Variants in NALF1 observed in about 807,000 individuals in gnomAD.
The protein encoded by NALF1 is family with sequence similarity 155 member A.
In NALF1, 3 loss-of-function variants were observed where a neutral mutation model predicts 48.4. The observed-to-expected ratio is 0.06, with a 90% confidence interval of 0.03 to 0.16. The LOEUF is 0.16. Among genes scored for constraint, NALF1 ranks in the 10% least tolerant of loss-of-function variants. The pLI is 1.00. For synonymous variants in NALF1, 262 were observed against 245.7 expected (o/e 1.07, Z -0.62); for missense variants, 526 against 571.5 (o/e 0.92, Z 0.81).
At chr13:107,520,479 G>C (rs1876202154) in intron 1 of NALF1, among the ~76,000 whole-genome samples, 1 of 152,194 alleles carries the variant, frequency 6.6e-6, no homozygotes, top group Non-Finnish European at 1.5e-5. Flanking sequence ...GAGATTATGA[G>C]ATGTCTTTTG....
intron 1 of NALF1, among the ~76,000 whole-genome samples, chr13:107,308,438 G>A (rs1342602281): frequency 2.6e-5 from 4 of 151,882 alleles, no homozygotes; most frequent in African/African-American, 7.2e-5. Flanking sequence ...TCCTGACCTC[G>A]TGATCCGCCC....
intron 1 of NALF1, among the ~76,000 whole-genome samples, chr13:107,673,064 T>C (rs973506269): frequency 1.3e-5 from 2 of 152,186 alleles, no homozygotes; most frequent in Admixed American, 6.6e-5. Flanking sequence ...AAGGTACCTA[T>C]AGCAACTACA....
chr13:107,221,216 A>G (rs114079106), intron 1 of NALF1, among the ~76,000 whole-genome samples: 177 of 152,282 alleles, frequency 1.2e-3, no homozygotes, highest in African/African-American at 4.0e-3. Flanking sequence ...CTAAAATCAC[A>G]GACTTCACCA....
At chr13:107,769,654 A>G (rs992837801) in intron 1 of NALF1, among the ~76,000 whole-genome samples, 10 of 151,202 alleles carry the variant, frequency 6.6e-5, no homozygotes, top group African/African-American at 2.4e-4. Context: ...ACTAACCTGC[A>G]CAATGTGCAC....
At chr13:107,642,077 T>G (rs1392428794) in intron 1 of NALF1, among the ~76,000 whole-genome samples, 1 of 152,106 alleles carries the variant, frequency 6.6e-6, no homozygotes, top group African/African-American at 2.4e-5. Context: ...TGGGAGCACG[T>G]TGGAAAGGCA....
chr13:107,855,914 T>TG (rs1398193272), intron 1 of NALF1, among the ~76,000 whole-genome samples: 1 of 149,930 alleles, frequency 6.7e-6, no homozygotes, highest in African/African-American at 2.4e-5. Context: ...GAGCGAGAAT[T>TG]TTTTTTTTTT....
intron 1 of NALF1, among the ~76,000 whole-genome samples, chr13:107,646,303 A>G (rs1215738245): frequency 6.6e-6 from 1 of 151,848 alleles, no homozygotes; most frequent in East Asian, 1.9e-4. Flanking sequence ...AAAAAAAAAA[A>G]AGCAACAAAA....
chr13:107,828,516 GAGA>G (rs1879590885), intron 1 of NALF1, among the ~76,000 whole-genome samples: 3 of 131,584 alleles, frequency 2.3e-5, no homozygotes. Flanking sequence ...TTCTTTCAAA[GAGA>G]AGAACACTGT....
chr13:107,561,701 C>G (rs672397), intron 1 of NALF1, among the ~76,000 whole-genome samples: 63,811 of 152,044 alleles, frequency 0.42, 13,849 homozygotes, highest in East Asian at 0.7. Context: ...AGATTACCAT[C>G]TCCTCTGTAT....
intron 1 of NALF1, among the ~76,000 whole-genome samples, chr13:107,346,627 G>A (rs758269723): frequency 6.6e-6 from 1 of 152,152 alleles, no homozygotes; most frequent in Non-Finnish European, 1.5e-5. Flanking sequence ...GGCAAATGAG[G>A]AGTTGCTCTT....
At chr13:107,173,918 C>T (rs1878856929) in intron 2 of NALF1, among the ~76,000 whole-genome samples, 1 of 152,160 alleles carries the variant, frequency 6.6e-6, no homozygotes, top group Non-Finnish European at 1.5e-5. Flanking sequence ...TTTCATATTA[C>T]TTCATCCCTT....
chr13:107,427,020 A>G (rs1884292104), intron 1 of NALF1, among the ~76,000 whole-genome samples: 3 of 151,896 alleles, frequency 2.0e-5, no homozygotes, highest in Admixed American at 2.0e-4. Context: ...AAAACAATGA[A>G]ACAATGTTAG....
intron 1 of NALF1, among the ~76,000 whole-genome samples, chr13:107,231,777 T>C (rs1326227038): frequency 2.6e-5 from 4 of 152,214 alleles, no homozygotes. Context: ...CCACAGAATA[T>C]GGCATGAAGT....
rs139354494 is a variant in NALF1, at chr13:107,732,748, A to C, written c.915+132934T>G. Among the ~76,000 whole-genome samples the C allele has an allele frequency of 1.8e-3, 271 of 152,280 alleles. 1 individual carries two copies. The highest frequency in any genetic ancestry group is 6.3e-3 in the African/African-American group (260 of 41,546). On this transcript the variant is annotated intron_variant, in intron 1 of 2. Transcript: ENST00000375915. ...TTTCTCTTATATTTTACCTACTTTC[A>C]TTGCTATGATAGATAAGCTTGCAGA... is the stretch of plus-strand genomic sequence containing the variant.
intron 1 of NALF1, among the ~76,000 whole-genome samples, chr13:107,846,095 T>C (rs994166167): frequency 1.3e-5 from 2 of 152,192 alleles, no homozygotes; most frequent in African/African-American, 4.8e-5. Context: ...ATTGTATCAC[T>C]GCTTGTCACA....
chr13:107,463,991 C>T (rs1884959303), intron 1 of NALF1, among the ~76,000 whole-genome samples: 1 of 152,088 alleles, frequency 6.6e-6, no homozygotes, highest in Non-Finnish European at 1.5e-5. Flanking sequence ...GAATGAAGGG[C>T]TATCCACATT....
intron 1 of NALF1, among the ~76,000 whole-genome samples, chr13:107,663,783 T>C (rs1267030276): frequency 6.6e-6 from 1 of 152,124 alleles, no homozygotes; most frequent in Admixed American, 6.6e-5. Context: ...TCACAATTGA[T>C]CCCTTCTTAT....
chr13:107,288,219 C>CTG (rs1555330573), intron 1 of NALF1, among the ~76,000 whole-genome samples: 10 of 125,150 alleles, frequency 8.0e-5, no homozygotes, highest in African/African-American at 3.0e-4. Context: ...GATCTGAAGA[C>CTG]TTTTTTTTTT....
chr13:107,378,408 ATG>A (rs55678319), intron 1 of NALF1, among the ~76,000 whole-genome samples: 11,271 of 145,344 alleles, frequency 0.078, 547 homozygotes, highest in East Asian at 0.2. Flanking sequence ...ATATATATAT[ATG>A]TATGCATGTC....
Sources: allele counts gnomAD v4.1 joint callset (sites outside exome capture counted in the v4.1 genomes callset), GRCh38; gene constraint gnomAD v4.1.1; transcripts MANE v1.5; gene names NCBI Gene and HGNC (gene_info 2026-07-23, HGNC 2026-07-21).